Variants in CILK1 observed in about 807,000 individuals in gnomAD.
The protein encoded by CILK1 is ciliogenesis associated kinase 1.
In CILK1, 47 loss-of-function variants were observed where a neutral mutation model predicts 79.2. That is an observed-to-expected ratio of 0.59 (90% CI 0.47 to 0.76). CILK1 has a LOEUF of 0.76. Ranked by LOEUF, CILK1 falls within the 30% of genes least tolerant of loss-of-function variation. CILK1 has a pLI of 0.00. For missense variants in CILK1, 660 were observed against 769.5 expected, an observed-to-expected ratio of 0.86 and a Z score of 1.68; for synonymous variants, 266 against 275.9, an observed-to-expected ratio of 0.96 and a Z score of 0.36.
chr6:53,027,760 T>C (rs1765667178), intron 5 of CILK1, among the ~76,000 whole-genome samples: 1 of 152,182 alleles, frequency 6.6e-6, no homozygotes, highest in Admixed American at 6.5e-5. Context: ...ATCCTGGCAC[T>C]TTGGGAGGCC....
chr6:53,006,075 C>A (rs1333868143), intron 13 of CILK1, among the ~76,000 whole-genome samples: 2 of 152,138 alleles, frequency 1.3e-5, no homozygotes, highest in African/African-American at 4.8e-5. Flanking sequence ...GTAACCTGTA[C>A]CCCACACTCC....
intron 2 of CILK1, among the ~76,000 whole-genome samples, chr6:53,038,784 G>A (rs1766518421): frequency 6.6e-6 from 1 of 151,726 alleles, no homozygotes; most frequent in Non-Finnish European, 1.5e-5. Context: ...AGACCATATG[G>A]CCTGTGAAGC....
intron 1 of CILK1, among the ~76,000 whole-genome samples, chr6:53,050,517 GAC>G (rs1392921737): frequency 6.6e-6 from 1 of 150,950 alleles, no homozygotes; most frequent in East Asian, 1.9e-4. Context: ...GTAAATATGT[GAC>G]ATATTTATTT....
chr6:53,015,957 T>C, intron 8 of CILK1, 126 bp downstream of exon 8: 1 of 947,536 alleles, frequency 1.1e-6, no homozygotes, highest in South Asian at 1.4e-5. Context: ...CCTTATATAG[T>C]ACACCATTAG....
rs75966887 is a variant in CILK1 at position 53,014,877 on chromosome 6, C to A, written c.832-895G>T. Among the ~76,000 whole-genome samples the A allele has an allele frequency of 4.6e-3, 703 of 152,292 alleles. 8 individuals carry two copies. The highest frequency in any genetic ancestry group is 0.016 in the African/African-American group (668 of 41,554). Reference sequence around the variant, plus strand: ...CTCTCTTGCTTCCTTGTTACAGAATCTTTTTCTTTCCATTTCTTACATGCA... The same window carrying A: ...CTCTCTTGCTTCCTTGTTACAGAATATTTTTCTTTCCATTTCTTACATGCA... On this transcript the variant is annotated intron_variant, in intron 8 of 13. Transcript: ENST00000676107.
chr6:53,044,897 C>T lies in CILK1; in HGVS notation c.-172-3489G>A, dbSNP rs1001918913. ...CATTTGATCTTGGACTCTCCAGCCT[C>T]CAGAACTGTGAAAAAAATAAATTTC... On this transcript the variant is annotated intron_variant, in intron 1 of 13. Coordinates refer to ENST00000676107, the MANE Select transcript of CILK1 (RefSeq NM_014920.5). Among the ~76,000 whole-genome samples, 4 of 152,144 alleles carry T rather than the reference C, an allele frequency of 2.6e-5. 1 individual carries two copies. The highest frequency in any genetic ancestry group is 2.0e-4 in the Admixed American group (3 of 15,272).
intron 5 of CILK1, among the ~76,000 whole-genome samples, chr6:53,019,738 T>C (rs1426170019): frequency 6.6e-6 from 1 of 152,188 alleles, no homozygotes; most frequent in Admixed American, 6.5e-5. Flanking sequence ...ACAATCATAG[T>C]TCGCTGCAGT....
chr6:53,007,863 C>T (rs959267061), intron 12 of CILK1, among the ~76,000 whole-genome samples: 5 of 151,718 alleles, frequency 3.3e-5, no homozygotes, highest in African/African-American at 1.2e-4. Context: ...TTGCTTGAAC[C>T]AGGGAGGCAG....
chr6:53,006,996 T>C (rs1764262438), intron 12 of CILK1, among the ~76,000 whole-genome samples: 1 of 152,214 alleles, frequency 6.6e-6, no homozygotes, highest in Non-Finnish European at 1.5e-5. Flanking sequence ...CATTTCCACT[T>C]GGGAGTGCTT....
At chr6:53,021,347 G>A (rs1765232551) in intron 5 of CILK1, among the ~76,000 whole-genome samples, 1 of 151,840 alleles carries the variant, frequency 6.6e-6, no homozygotes, top group East Asian at 1.9e-4. Context: ...GGGGGTTGGG[G>A]GGGTAAATCT....
Position 53,006,348 on chromosome 6 carries a change from C to G in CILK1, c.1711G>C (p.Val571Leu). The G allele has an allele frequency of 2.5e-6, 4 of 1,613,550 alleles. No homozygotes were observed. The highest frequency in any genetic ancestry group is 3.4e-6 in the Non-Finnish European group (4 of 1,179,554). ...GGGTCTGGAATAGGTGCTAGGTGTACCCTCTGCATAGCAGAACCGATTTCT... is the reference window on the plus strand; with the variant it reads ...GGGTCTGGAATAGGTGCTAGGTGTAGCCTCTGCATAGCAGAACCGATTTCT... ...KKEIGSAMQRVHLAPIPDPSP... is the reference protein window; with the variant it reads ...KKEIGSAMQRLHLAPIPDPSP... The change falls in exon 13 of 14, where the codon GTA becomes CTA. Residue 571 changes from valine (V) to leucine (L), a missense_variant. Coordinates refer to ENST00000676107, the MANE Select transcript of CILK1 (RefSeq NM_014920.5).
chr6:53,061,333 C>T (rs1196442071), intron 1 of CILK1, among the ~76,000 whole-genome samples: 1 of 152,216 alleles, frequency 6.6e-6, no homozygotes, highest in Non-Finnish European at 1.5e-5. Flanking sequence ...TGCCCCGCAA[C>T]GAGGCTTCAA....
intron 8 of CILK1, among the ~76,000 whole-genome samples, chr6:53,015,738 G>A (rs531448068): frequency 1.3e-5 from 2 of 152,154 alleles, no homozygotes; most frequent in Non-Finnish European, 2.9e-5. Flanking sequence ...AACCAGTACC[G>A]GCTTATAAAC....
intron 9 of CILK1, among the ~76,000 whole-genome samples, chr6:53,013,437 CT>C (rs895085557): frequency 6.6e-6 from 1 of 152,242 alleles, no homozygotes; most frequent in Admixed American, 6.5e-5. Flanking sequence ...AGCCACTACC[CT>C]ATAGCTGCCT....
intron 11 of CILK1, 147 bp from the exon 12 acceptor site, chr6:53,009,714 C>A: frequency 1.4e-6 from 1 of 708,804 alleles, no homozygotes; most frequent in Non-Finnish European, 2.4e-6. Flanking sequence ...ATGATGTCAT[C>A]TGACAGATGT....
chr6:53,055,808 GAC>G (rs549657992), intron 1 of CILK1, among the ~76,000 whole-genome samples: 70 of 152,224 alleles, frequency 4.6e-4, no homozygotes, highest in African/African-American at 1.6e-3. Flanking sequence ...TTTAAACTAG[GAC>G]ACATAGTTGG....
intron 1 of CILK1, among the ~76,000 whole-genome samples, chr6:53,058,329 G>A (rs1768083693): frequency 6.6e-6 from 1 of 152,114 alleles, no homozygotes; most frequent in Non-Finnish European, 1.5e-5. Flanking sequence ...TGCAATCAAA[G>A]GCATCTCTGA....
Position 53,031,083 on chromosome 6 carries a change from C to A in CILK1, c.340G>T (p.Ala114Ser). 1 of 1,606,184 alleles carries A rather than the reference C, an allele frequency of 6.2e-7. No homozygotes were observed. The highest frequency in any genetic ancestry group is 8.5e-7 in the Non-Finnish European group (1 of 1,173,010). Residue 114 changes from alanine to serine, a missense_variant, in exon 5 of 14, where the codon GCA (alanine) becomes TCA (serine). By Grantham distance (99) the Ala-to-Ser change is moderately conservative. Transcript: ENST00000676107. ...CACCTACCGTGTTTGTGAATAAATG[C>A]GAGTCCTTGTAATATCTGATACATG... ...NIMYQILQGL[A>S]FIHKHGFFHR...
chr6:53,011,734 T>C (rs1032750394), intron 11 of CILK1, 35 bp downstream of exon 11: 2 of 1,597,630 alleles, frequency 1.3e-6, no homozygotes, highest in Non-Finnish European at 1.7e-6. Flanking sequence ...GGTTTCTTAT[T>C]AATAATCAAA....
Sources: allele counts gnomAD v4.1 joint callset (sites outside exome capture counted in the v4.1 genomes callset), GRCh38; gene constraint gnomAD v4.1.1; transcripts MANE v1.5; gene names NCBI Gene and HGNC (gene_info 2026-07-23, HGNC 2026-07-21).